ZNF420: variants seen among roughly 807,000 people sequenced by gnomAD.
ZNF420 encodes the protein ATM and p53-associated KZNF protein.
Under a neutral mutation model 44.7 loss-of-function variants are expected in ZNF420, and 31 were observed. That is an observed-to-expected ratio of 0.69 (90% CI 0.52 to 0.94). ZNF420 has a LOEUF of 0.94. ZNF420 is among the 40% of genes least tolerant of loss of function. The pLI is 0.00. For missense variants in ZNF420, 681 were observed against 827.9 expected, an observed-to-expected ratio of 0.82 and a Z score of 2.18; for synonymous variants, 245 against 267.4, an observed-to-expected ratio of 0.92 and a Z score of 0.82.
chr19:37,095,743 C>T (rs1045561014), intron 4 of ZNF420, among the ~76,000 whole-genome samples: 6 of 152,094 alleles, frequency 3.9e-5, no homozygotes, highest in Admixed American at 6.6e-5. Context: ...GGATTACAGG[C>T]GCCCGCAGCC....
At chr19:37,039,609 A>G (rs1225265534) in intron 1 of ZNF420, among the ~76,000 whole-genome samples, 2 of 152,196 alleles carry the variant, frequency 1.3e-5, no homozygotes, top group Non-Finnish European at 2.9e-5. Flanking sequence ...TAGATTTAGT[A>G]TAATTCTTAA....
intron 1 of ZNF420, among the ~76,000 whole-genome samples, chr19:37,020,250 T>C (rs1249380839): frequency 6.7e-6 from 1 of 148,300 alleles, no homozygotes; most frequent in Non-Finnish European, 1.5e-5. Flanking sequence ...TTTCCCTTGA[T>C]TAAAAACTGC....
intron 1 of ZNF420, among the ~76,000 whole-genome samples, chr19:37,027,799 T>G (rs1363696458): frequency 6.6e-6 from 1 of 152,238 alleles, no homozygotes; most frequent in Admixed American, 6.5e-5. Flanking sequence ...ATTGTATGAT[T>G]GTTTCAGAGT....
intron 4 of ZNF420, among the ~76,000 whole-genome samples, chr19:37,104,356 A>C (rs1421220973): frequency 3.9e-5 from 6 of 151,942 alleles, no homozygotes; most frequent in Admixed American, 2.6e-4. Context: ...TGGTGTATAT[A>C]TGCCACATTT....
intron 4 of ZNF420, among the ~76,000 whole-genome samples, chr19:37,095,154 T>A (rs988967661): frequency 6.6e-6 from 1 of 150,550 alleles, no homozygotes; most frequent in Non-Finnish European, 1.5e-5. Flanking sequence ...AAAAGAAATA[T>A]CTTTGTTGAT....
intron 4 of ZNF420, among the ~76,000 whole-genome samples, chr19:37,102,619 C>T (rs1969840874): frequency 6.6e-6 from 1 of 152,204 alleles, no homozygotes; most frequent in Admixed American, 6.5e-5. Context: ...GCGTGCCAGT[C>T]TGCACTCTCA....
In ZNF420 at chr19:37,086,116, A is replaced by ACTTTTTCACTCTTAGCCCTTCC. The variant is rs1968761392; in HGVS notation, c.-80-2919_-80-2898dup. 4.0e-5 allele frequency among the ~76,000 whole-genome samples: 6 copies of ACTTTTTCACTCTTAGCCCTTCC among 151,786 alleles called. No individual in the cohort carries two copies. The South Asian group carries it at 1.0e-3, about 26-fold the overall frequency. On this transcript the variant is annotated intron_variant, in intron 2 of 4. Coordinates refer to ENST00000337995, the MANE Select transcript of ZNF420 (RefSeq NM_144689.5). ...CCACCGTGCCCAGCCAGGCCTCACT[A>ACTTTTTCACTCTTAGCCCTTCC]CTTTTTCACTCTTAGCCCTTCCCTT...
At chr19:37,030,690 TACTC>T (rs1320817501) in intron 1 of ZNF420, among the ~76,000 whole-genome samples, 3 of 152,194 alleles carry the variant, frequency 2.0e-5, no homozygotes, top group Non-Finnish European at 2.9e-5. Context: ...GTATATATCA[TACTC>T]ACATACAATT....
intron 1 of ZNF420, among the ~76,000 whole-genome samples, chr19:37,068,065 A>C (rs1203751195): frequency 6.6e-6 from 1 of 152,032 alleles, no homozygotes; most frequent in African/African-American, 2.4e-5. Flanking sequence ...ATTATACCAC[A>C]AAGATAGCAT....
chr19:37,090,038 A>G (rs1167382879), intron 3 of ZNF420, among the ~76,000 whole-genome samples: 1 of 152,170 alleles, frequency 6.6e-6, no homozygotes, highest in Non-Finnish European at 1.5e-5. Context: ...AAATTTTACC[A>G]TTTTGTTTAT....
chr19:37,101,398 G>A (rs1392031033), intron 4 of ZNF420, among the ~76,000 whole-genome samples: 2 of 152,200 alleles, frequency 1.3e-5, no homozygotes, highest in Non-Finnish European at 2.9e-5. Flanking sequence ...AGGAGGCTGA[G>A]ACAGGAGAAT....
At chr19:37,075,427 A>C (rs1189510344), upstream of ZNF420, among the ~76,000 whole-genome samples, 1 of 152,202 alleles carries the variant, frequency 6.6e-6, no homozygotes, top group Non-Finnish European at 1.5e-5. Flanking sequence ...TTTTAAATAT[A>C]TGAGTGATGC....
At chr19:37,111,525 T>C (rs1275610818) in intron 4 of ZNF420, 3 of 152,236 alleles carry the variant, frequency 2.0e-5, no homozygotes, top group Non-Finnish European at 4.4e-5. Flanking sequence ...CCAGATGCTA[T>C]TGCCAGTCCT....
intron 1 of ZNF420, among the ~76,000 whole-genome samples, chr19:37,051,471 T>G (rs1171265878): frequency 6.6e-6 from 1 of 152,230 alleles, no homozygotes; most frequent in African/African-American, 2.4e-5. Flanking sequence ...GTTGAGGAAT[T>G]TATCCGTTTC....
At chr19:37,099,231 A>G (rs1338076767) in intron 4 of ZNF420, among the ~76,000 whole-genome samples, 3 of 151,894 alleles carry the variant, frequency 2.0e-5, no homozygotes, top group Non-Finnish European at 2.9e-5. Flanking sequence ...TGGTAGTTCT[A>G]TGTTTACTTT....
At chr19:37,035,762 C>A (rs1967343601) in intron 1 of ZNF420, among the ~76,000 whole-genome samples, 1 of 151,986 alleles carries the variant, frequency 6.6e-6, no homozygotes, top group Admixed American at 6.6e-5. Context: ...TATGTAAGGG[C>A]CTTTGACAAG....
chr19:37,130,014 A>C lies in ZNF420; in HGVS notation c.*956A>C. ...ATCTATTTTCTCTTTTTTAGTAACA[A>C]ATTTCTGGGCTGAAAATCTCAGCCT... is the stretch of plus-strand genomic sequence containing the variant. On this transcript the variant is annotated 3_prime_UTR_variant, in exon 5 of 5. Transcript: ENST00000337995. 6.6e-7 allele frequency: 1 copy of C among 1,518,332 alleles called. No individual in the cohort carries two copies. The highest frequency in any genetic ancestry group is 1.3e-5 in the South Asian group (1 of 79,366). The allele number at this position is 1,518,332 out of a possible 1,614,324, so 94.1% of individuals were successfully genotyped here.
At chr19:37,024,532 C>T (rs1051119696) in intron 1 of ZNF420, among the ~76,000 whole-genome samples, 2 of 152,066 alleles carry the variant, frequency 1.3e-5, no homozygotes, top group Non-Finnish European at 2.9e-5. Context: ...TCACTGCAAC[C>T]GCCACCTCCC....
At chr19:37,116,843 GTC>G (rs1970720014) in intron 4 of ZNF420, among the ~76,000 whole-genome samples, 1 of 152,220 alleles carries the variant, frequency 6.6e-6, no homozygotes, top group South Asian at 2.1e-4. Flanking sequence ...TGCCCATGGA[GTC>G]TCACTGATTG....
Sources: gnomAD v4.1 joint callset for allele counts (sites outside exome capture counted in the v4.1 genomes callset) on GRCh38, gnomAD v4.1.1 for gene constraint, MANE v1.5 for transcripts, NCBI Gene and HGNC (gene_info 2026-07-23, HGNC 2026-07-21) for gene names.